Variants in CIC observed in about 807,000 individuals in gnomAD.
The protein encoded by CIC is protein capicua homolog.
A neutral mutation model predicts 115.7 loss-of-function variants in CIC; 18 were observed. The observed-to-expected ratio is 0.16, with a 90% CI of 0.11 to 0.23. The LOEUF (loss-of-function observed/expected upper bound fraction) is 0.23, where lower values mean the gene tolerates loss of function less well. Ranked by LOEUF, CIC falls within the 10% of genes least tolerant of loss-of-function variation. The probability of loss-of-function intolerance (pLI) is 1.00; values close to 1 mark genes in which losing one functional copy is unlikely to be tolerated. For missense variants in CIC, 2,000 were observed against 2,159.3 expected, an observed-to-expected ratio of 0.93 and a Z score of 1.46; for synonymous variants, 1,076 against 923.0, an observed-to-expected ratio of 1.17 and a Z score of -3.01.
chr19:42,284,346 T>TGCCCCGCCTGCCCCGCCTGCCCCGCCC (rs1555762991), intron 2 of CIC: 1 of 142,304 alleles, frequency 7.0e-6, no homozygotes, highest in Non-Finnish European at 1.6e-5. Context: ...CTGCCCCGCC[T>TGCCCCGCCTGCCCCGCCTGCCCCGCCC]GCCCCGCCCG....
chr19:42,291,810 T>C, intron 12 of CIC, 65 bp downstream of exon 12: 1 of 1,580,204 alleles, frequency 6.3e-7, no homozygotes, highest in Non-Finnish European at 8.7e-7. Context: ...TTTCTTTGTC[T>C]TTTTTTTCAG....
chr19:42,268,961 C>A (rs961870193), upstream of CIC, among the ~76,000 whole-genome samples: 1 of 152,196 alleles, frequency 6.6e-6, no homozygotes, highest in African/African-American at 2.4e-5. Flanking sequence ...GGAACTAAGA[C>A]GGCCTGCAAT....
At chr19:42,269,745 G>A (rs1264124465) in intron 1 of CIC, among the ~76,000 whole-genome samples, 2 of 148,840 alleles carry the variant, frequency 1.3e-5, no homozygotes, top group Non-Finnish European at 3.0e-5. Context: ...AGAGATAAAT[G>A]GGGGTGACAA....
rs2038453389 is a variant in CIC at position 42,295,529 on chromosome 19, G to A, written c.*338G>A. The A allele has an allele frequency of 3.4e-6, 1 of 297,574 alleles. No homozygotes were observed. The allele number at this position is 297,574 out of a possible 1,614,324, so 18.4% of individuals were successfully genotyped here. A position where few individuals can be genotyped will look rare whatever the true frequency, so the allele number is the denominator to read the frequency against. On this transcript the variant is annotated 3_prime_UTR_variant, in exon 21 of 21. Coordinates refer to ENST00000681038, the MANE Select transcript of CIC (RefSeq NM_001386298.1). ...GGCCTTGGGCCACAGGGAGGCGCCT[G>A]TGGAATAGGGGGAGTTCATGCACCC...
Position 42,292,201 on chromosome 19 carries a change from C to G in CIC, c.5729C>G (p.Ser1910Cys), listed in dbSNP as rs752123923. The change falls in exon 13 of 21, where the codon TCC (serine) becomes TGC (cysteine). Residue 1910 changes from serine (S) to cysteine (C), a missense_variant. By Grantham distance (112) the Ser-to-Cys change is moderately radical. Coordinates refer to ENST00000681038, the MANE Select transcript of CIC (RefSeq NM_001386298.1). ...CCTCAGAAGGTCCTGTTGCCCTCCT[C>G]CACCAGGTAATTGCAGCTGAGCCCA... ...SQPQKVLLPS[S>C]TRITYVQSAG... 1 of 1,613,916 alleles carries G rather than the reference C, an allele frequency of 6.2e-7. No individual in the cohort carries two copies.
chr19:42,288,774 A>G, intron 7 of CIC, 114 bp from the exon 8 acceptor site: 5 of 948,564 alleles, frequency 5.3e-6, no homozygotes, highest in Non-Finnish European at 6.6e-6. Context: ...CAAGTGGCCC[A>G]GAAATTCCAG....
At chr19:42,293,884 T>C (rs1219098571) in intron 17 of CIC, 48 bp downstream of exon 17, 2 of 1,612,386 alleles carry the variant, frequency 1.2e-6, no homozygotes, top group East Asian at 2.2e-5. Context: ...GTGGCGGGAG[T>C]GGGAGCAGCT....
At chr19:42,284,035 G>T (rs1011121370) in intron 2 of CIC, 9 of 149,156 alleles carry the variant, frequency 6.0e-5, no homozygotes, top group East Asian at 3.9e-4. Context: ...AGGCGCGGCG[G>T]GGGGAGGGGA....
chr19:42,268,793 T>C (rs981336533), upstream of CIC, among the ~76,000 whole-genome samples: 2 of 152,254 alleles, frequency 1.3e-5, no homozygotes, highest in African/African-American at 4.8e-5. Flanking sequence ...GAACTGCGAC[T>C]AGCCGGTCAA....
intron 2 of CIC, among the ~76,000 whole-genome samples, 186 bp from the exon 3 acceptor site, chr19:42,286,585 C>G (rs1446452650): frequency 6.9e-6 from 1 of 145,462 alleles, no homozygotes; most frequent in Non-Finnish European, 1.5e-5. Context: ...TTTTATAAAT[C>G]TAGAAACCTT....
intron 2 of CIC, among the ~76,000 whole-genome samples, chr19:42,286,329 A>G (rs2037638153): frequency 6.6e-6 from 1 of 151,948 alleles, no homozygotes; most frequent in South Asian, 2.1e-4. Context: ...AGAGAGCATG[A>G]GGCCAAGGTG....
At chr19:42,277,295 T>C (rs1475429265) in intron 2 of CIC, among the ~76,000 whole-genome samples, 4 of 152,172 alleles carry the variant, frequency 2.6e-5, no homozygotes, top group African/African-American at 9.7e-5. Flanking sequence ...AGTAGCGCAA[T>C]CTTGGTTCAT....
chr19:42,278,606 C>A (rs1168472324), intron 2 of CIC, among the ~76,000 whole-genome samples: 2 of 152,166 alleles, frequency 1.3e-5, no homozygotes, highest in African/African-American at 4.8e-5. Flanking sequence ...TCTGAGCCAG[C>A]CTTGGCCTCT....
intron 9 of CIC, 94 bp from the exon 10 acceptor site, chr19:42,289,754 T>G: frequency 8.8e-7 from 1 of 1,141,668 alleles, no homozygotes; most frequent in Non-Finnish European, 1.3e-6. Flanking sequence ...TCCCTGCCGG[T>G]TTGGAGCAGA....
At position 42,272,422 on chromosome 19, in the gene CIC, T is replaced by C. The variant is rs10426306; in HGVS notation, c.639T>C (p.Asp213=). The change falls in exon 2 of 21, where the codon GAT becomes GAC. Residue 213 remains aspartate, a synonymous_variant. Coordinates refer to ENST00000681038, the MANE Select transcript of CIC (RefSeq NM_001386298.1). The stretch of plus-strand genomic sequence containing the variant: ...AGCGGGTGCTGGCTCGGCGTGGTGA[T>C]GGCCTTTTCCTGCCGGCTGTGGTGC... ...RSQRVLARRG[D]GLFLPAVVRQ... is the part of the protein sequence containing the mutation. 27,923 of 398,478 alleles carry C rather than the reference T, an allele frequency of 0.07. 1,213 individuals carry two copies. The highest frequency in any genetic ancestry group is 0.17 in the Middle Eastern group (263 of 1,588). 24.7% of individuals were successfully genotyped at this position (398,478 alleles called of 1,614,324 possible). A position where few individuals can be genotyped will look rare whatever the true frequency, so the allele number is the denominator to read the frequency against.
rs763909924 is a variant in CIC, at chr19:42,272,901, C to T, written c.1118C>T (p.Ala373Val). ...PGATLPPCPAALDPKQPEDAE... is the reference protein window; with the variant it reads ...PGATLPPCPAVLDPKQPEDAE... ...GCCACCCTGCCACCCTGCCCTGCTG[C>T]CCTGGACCCCAAACAGCCCGAGGAT... is the stretch of plus-strand genomic sequence containing the variant. The change falls in exon 2 of 21, where the codon GCC becomes GTC. Residue 373 changes from alanine to valine, a missense_variant. Physicochemically the swap from Ala to Val is moderately conservative, Grantham distance 64. Around this residue, in one of 8 missense-constraint regions of CIC, gnomAD observed 222 missense variants for 247.7 expected, o/e 0.90. Transcript: ENST00000681038. 1.4e-4 allele frequency: 57 copies of T among 399,250 alleles called. No homozygotes were observed. The highest frequency in any genetic ancestry group is 1.1e-3 in the African/African-American group (54 of 48,646). The allele number at this position is 399,250 out of a possible 1,614,324, so 24.7% of individuals were successfully genotyped here.
At chr19:42,285,213 G>T (rs949837096) in intron 2 of CIC, among the ~76,000 whole-genome samples, 1 of 152,076 alleles carries the variant, frequency 6.6e-6, no homozygotes, top group Non-Finnish European at 1.5e-5. Context: ...CAGAGAGCGC[G>T]ACACCTAAGA....
At chr19:42,284,594 TCCCGCTCCC>T (rs2037477576) in intron 2 of CIC, 1 of 436,414 alleles carries the variant, frequency 2.3e-6, no homozygotes, top group African/African-American at 2.2e-5. Context: ...GGCGACGGCC[TCCCGCTCCC>T]CCCGGGCCCA....
chr19:42,284,732 C>T (rs2147139065), intron 2 of CIC: 7 of 1,556,582 alleles, frequency 4.5e-6, no homozygotes, highest in South Asian at 1.2e-5. Context: ...GCCCCTGATG[C>T]CCGCGTCCAG....
Sources: gnomAD v4.1 joint callset for allele counts (sites outside exome capture counted in the v4.1 genomes callset) on GRCh38, gnomAD v4.1.1 for gene constraint, gnomAD v4.1.1 regional missense constraint, MANE v1.5 for transcripts, NCBI Gene and HGNC (gene_info 2026-07-23, HGNC 2026-07-21) for gene names.